The following PPM1L variants were observed in gnomAD, a reference collection of about 807,000 sequenced individuals.
PPM1L encodes the protein protein phosphatase, Mg2+/Mn2+ dependent 1L.
Under a neutral mutation model 31.4 loss-of-function variants are expected in PPM1L, and 13 were observed. The ratio of observed to expected loss-of-function variants is 0.41; its 90% CI spans 0.27 to 0.66. The LOEUF (loss-of-function observed/expected upper bound fraction) is 0.66. PPM1L is among the 30% of genes least tolerant of loss of function. PPM1L has a pLI of 0.29. For synonymous variants in PPM1L, 184 were observed against 175.4 expected (o/e 1.05, Z -0.39); for missense variants, 326 against 453.7 (o/e 0.72, Z 2.56).
chr3:161,046,804 T>G (rs1413840998), intron 2 of PPM1L, among the ~76,000 whole-genome samples: 2 of 152,204 alleles, frequency 1.3e-5, no homozygotes, highest in Middle Eastern at 3.2e-3. Flanking sequence ...TCAATAAACG[T>G]AATCCAGCAT....
Position 160,955,648 on chromosome 3 carries a change from A to C in PPM1L, c.400-6088A>C, listed in dbSNP as rs1429111243. On this transcript the variant is annotated intron_variant, in intron 1 of 3. Transcript: ENST00000498165. ...ATAAATTAGAATTGGCTGGCTAACA[A>C]GTTTTCTTTTTTTTTTTTTTTTGAG... Among the ~76,000 whole-genome samples, 12 of 141,814 alleles carry C rather than the reference A, an allele frequency of 8.5e-5. No individual in the cohort carries two copies. In the East Asian group the frequency reaches 2.5e-3, roughly 29 times the overall value. 93.0% of individuals were successfully genotyped at this position (141,814 alleles called of 152,430 possible).
intron 1 of PPM1L, among the ~76,000 whole-genome samples, chr3:160,781,605 A>G (rs1195226079): frequency 1.3e-5 from 2 of 152,198 alleles, no homozygotes; most frequent in Non-Finnish European, 2.9e-5. Flanking sequence ...AGGCTGCACA[A>G]TGCTGGGTGC....
chr3:160,895,226 T>G (rs1713293145), intron 1 of PPM1L, among the ~76,000 whole-genome samples: 1 of 152,162 alleles, frequency 6.6e-6, no homozygotes, highest in Admixed American at 6.5e-5. Context: ...TTTGTTTGTT[T>G]TTTAGAGACA....
In PPM1L at chr3:161,012,886, C is replaced by T. The variant is rs181280800; in HGVS notation, c.574+50976C>T. Among the ~76,000 whole-genome samples, 45 of 152,076 alleles carry T rather than the reference C, an allele frequency of 3.0e-4. 2 individuals carry two copies. In the East Asian group the frequency reaches 8.5e-3, roughly 29 times the overall value. ...ATATCCCCTTTATCATTTTTTATTG[C>T]ATCTATTTGATTCTTCTCTCTTTTT... On this transcript the variant is annotated intron_variant, in intron 2 of 3. Transcript: ENST00000498165.
intron 1 of PPM1L, among the ~76,000 whole-genome samples, chr3:160,769,961 A>G (rs969053107): frequency 7.9e-5 from 12 of 152,274 alleles, no homozygotes; most frequent in South Asian, 2.1e-4. Context: ...AAATGAGTGT[A>G]CTTGGAGTAA....
intron 2 of PPM1L, among the ~76,000 whole-genome samples, chr3:160,964,221 A>G (rs1716061597): frequency 6.6e-6 from 1 of 151,960 alleles, no homozygotes; most frequent in Non-Finnish European, 1.5e-5. Flanking sequence ...GTCTAAAATT[A>G]GCATAAAACG....
intron 1 of PPM1L, among the ~76,000 whole-genome samples, chr3:160,960,610 A>G (rs1715932821): frequency 6.7e-6 from 1 of 148,350 alleles, no homozygotes; most frequent in Admixed American, 6.8e-5. Flanking sequence ...GTGAAGTTTT[A>G]TACTGGTTAT....
intron 2 of PPM1L, among the ~76,000 whole-genome samples, chr3:161,026,868 T>C (rs1210682438): frequency 6.6e-6 from 1 of 152,168 alleles, no homozygotes; most frequent in Non-Finnish European, 1.5e-5. Context: ...GTTTAAATCC[T>C]GGAGGCTATT....
chr3:160,781,436 T>A (rs1299774070), intron 1 of PPM1L, among the ~76,000 whole-genome samples: 2 of 152,220 alleles, frequency 1.3e-5, no homozygotes, highest in Non-Finnish European at 2.9e-5. Context: ...TGCTTTTATT[T>A]GTATATACTA....
chr3:161,012,718 G>A lies in PPM1L; in HGVS notation c.574+50808G>A, dbSNP rs183928549. Among the ~76,000 whole-genome samples the A allele has an allele frequency of 7.8e-4, 119 of 152,200 alleles. 1 individual carries two copies. In the East Asian group the frequency reaches 0.012, roughly 16 times the overall value. On this transcript the variant is annotated intron_variant, in intron 2 of 3. Transcript: ENST00000498165. ...AGCTCCTGTTATTGGTCTATTCAGCGATTCAACTTCTTCCTGGTTTAGTCT... is the reference window on the plus strand; with the variant it reads ...AGCTCCTGTTATTGGTCTATTCAGCAATTCAACTTCTTCCTGGTTTAGTCT...
intron 1 of PPM1L, among the ~76,000 whole-genome samples, chr3:160,814,436 CCTAT>C (rs1185015481): frequency 7.9e-5 from 12 of 151,842 alleles, no homozygotes; most frequent in East Asian, 7.7e-4. Flanking sequence ...AGCCCAAATG[CCTAT>C]CTATCAACGA....
intron 1 of PPM1L, among the ~76,000 whole-genome samples, chr3:160,951,520 G>A (rs1715576380): frequency 6.6e-6 from 1 of 152,092 alleles, no homozygotes; most frequent in African/African-American, 2.4e-5. Context: ...CAATTACAGG[G>A]TAAGATCTAG....
At chr3:161,002,402 G>A (rs925658728) in intron 2 of PPM1L, among the ~76,000 whole-genome samples, 3 of 152,288 alleles carry the variant, frequency 2.0e-5, no homozygotes, top group East Asian at 1.9e-4. Flanking sequence ...AGATCCCTGA[G>A]GAATTGCCAC....
intron 1 of PPM1L, among the ~76,000 whole-genome samples, chr3:160,833,486 A>T (rs931241571): frequency 3.9e-5 from 6 of 152,020 alleles, no homozygotes; most frequent in Non-Finnish European, 8.8e-5. Flanking sequence ...CTGGCGTGAG[A>T]TGGTATCTCA....
At chr3:161,033,078 A>C (rs1317411304) in intron 2 of PPM1L, among the ~76,000 whole-genome samples, 1 of 151,360 alleles carries the variant, frequency 6.6e-6, no homozygotes, top group Non-Finnish European at 1.5e-5. Context: ...ATAAGAGTCA[A>C]CTCCCATTCA....
chr3:160,883,164 A>G (rs984684851), intron 1 of PPM1L, among the ~76,000 whole-genome samples: 1 of 152,172 alleles, frequency 6.6e-6, no homozygotes, highest in African/African-American at 2.4e-5. Flanking sequence ...TCAGTTTTTT[A>G]CTTAAATACA....
At chr3:160,842,262 G>T in intron 1 of PPM1L, 4 of 702,550 alleles carry the variant, frequency 5.7e-6, no homozygotes, top group South Asian at 1.5e-5. Flanking sequence ...AGCAGAGAGG[G>T]CTAGACCAGA....
chr3:160,876,113 A>G (rs1471965091), intron 1 of PPM1L, among the ~76,000 whole-genome samples: 1 of 152,152 alleles, frequency 6.6e-6, no homozygotes, highest in East Asian at 1.9e-4. Context: ...AATTCCTTAA[A>G]TCTGCTTTTT....
chr3:160,834,812 T>A (rs1218662850), intron 1 of PPM1L, among the ~76,000 whole-genome samples: 1 of 152,146 alleles, frequency 6.6e-6, no homozygotes, highest in African/African-American at 2.4e-5. Context: ...TGTGCCATAG[T>A]ATGTTTAACC....
Sources: allele counts gnomAD v4.1 joint callset (sites outside exome capture counted in the v4.1 genomes callset), GRCh38; gene constraint gnomAD v4.1.1; transcripts MANE v1.5; gene names NCBI Gene and HGNC (gene_info 2026-07-23, HGNC 2026-07-21).